CFAP299: variants seen among roughly 807,000 people sequenced by gnomAD.
CFAP299 encodes cilia- and flagella-associated protein 299.
Under a neutral mutation model 27.0 loss-of-function variants are expected in CFAP299, and 21 were observed. That is an observed-to-expected ratio of 0.78 (90% confidence interval 0.55 to 1.12). The LOEUF is 1.12. Ranked by LOEUF, CFAP299 falls within the 50% of genes most tolerant of loss-of-function variation. The pLI, the probability that CFAP299 is intolerant of heterozygous loss-of-function variation, is 0.00. For missense variants in CFAP299, 310 were observed against 276.6 expected (o/e 1.12, Z -0.86); for synonymous variants, 104 against 98.1 (o/e 1.06, Z -0.36).
At chr4:80,869,792 G>T (rs185456974) in intron 3 of CFAP299, among the ~76,000 whole-genome samples, 1 of 152,248 alleles carries the variant, frequency 6.6e-6, no homozygotes, top group Admixed American at 6.5e-5. Flanking sequence ...GATTACAGGC[G>T]TGAGCCACGT....
chr4:80,671,564 G>C (rs965786661), intron 3 of CFAP299, among the ~76,000 whole-genome samples: 2 of 152,104 alleles, frequency 1.3e-5, no homozygotes, highest in Non-Finnish European at 2.9e-5. Flanking sequence ...GGATGGCATT[G>C]AATCTATAAA....
chr4:80,916,481 A>T (rs1735774969), intron 4 of CFAP299, among the ~76,000 whole-genome samples: 1 of 151,640 alleles, frequency 6.6e-6, no homozygotes, highest in Non-Finnish European at 1.5e-5. Context: ...CGCTTGTTTT[A>T]AAGCTATGTT....
At chr4:80,824,443 T>G (rs1378312374) in intron 3 of CFAP299, among the ~76,000 whole-genome samples, 1 of 152,088 alleles carries the variant, frequency 6.6e-6, no homozygotes, top group Non-Finnish European at 1.5e-5. Context: ...GACACATAGG[T>G]AGGCAGCTAT....
chr4:80,849,408 G>A (rs918160800), intron 3 of CFAP299, among the ~76,000 whole-genome samples: 2 of 152,054 alleles, frequency 1.3e-5, no homozygotes, highest in Non-Finnish European at 2.9e-5. Context: ...GGAAGCAGAG[G>A]AAATTCCCAA....
chr4:80,413,234 G>A (rs1206272400), intron 2 of CFAP299, among the ~76,000 whole-genome samples: 1 of 152,058 alleles, frequency 6.6e-6, no homozygotes, highest in Non-Finnish European at 1.5e-5. Flanking sequence ...GCCAGACGTT[G>A]CTGTCATTCC....
chr4:80,816,669 G>A (rs1729436262), intron 3 of CFAP299, among the ~76,000 whole-genome samples: 1 of 152,074 alleles, frequency 6.6e-6, no homozygotes, highest in Admixed American at 6.6e-5. Flanking sequence ...TTCAAGAAGA[G>A]GTTCAGACTC....
intron 2 of CFAP299, among the ~76,000 whole-genome samples, chr4:80,483,480 G>T (rs1730665332): frequency 6.6e-6 from 1 of 151,922 alleles, no homozygotes; most frequent in Non-Finnish European, 1.5e-5. Flanking sequence ...AAATCATCTT[G>T]ATATCATTCT....
At chr4:80,854,994 A>G (rs1731760743) in intron 3 of CFAP299, among the ~76,000 whole-genome samples, 1 of 152,030 alleles carries the variant, frequency 6.6e-6, no homozygotes, top group South Asian at 2.1e-4. Flanking sequence ...AATAAAGAAG[A>G]CAAGCATACT....
In CFAP299 at chr4:80,362,856, G is replaced by A. The variant is rs1210350759; in HGVS notation, c.214G>A (p.Ala72Thr). 3.1e-6 allele frequency: 5 copies of A among 1,611,428 alleles called. No homozygotes were observed. Among genetic ancestry groups the A allele is most frequent in the Non-Finnish European group, 4.2e-6 (5 of 1,179,312 alleles). Residue 72 changes from alanine to threonine, a missense_variant, in exon 2 of 6, where the codon GCA becomes ACA. Coordinates refer to ENST00000358105, the MANE Select transcript of CFAP299 (RefSeq NM_152770.3). ...AGCAAGGAAAGCGGCTATAGAGATT[G>A]CAAGACTGGCTGAAAGAGCTCAGCA... Reference protein sequence around the residue: ...FEARKAAIEIARLAERAQQKT... With the variant: ...FEARKAAIEITRLAERAQQKT...
At chr4:80,592,484 G>GTGTT (rs1429508965) in intron 3 of CFAP299, among the ~76,000 whole-genome samples, 2 of 152,144 alleles carry the variant, frequency 1.3e-5, no homozygotes, top group Non-Finnish European at 2.9e-5. Context: ...AATTTGCTAT[G>GTGTT]TGAAACATAT....
intron 2 of CFAP299, among the ~76,000 whole-genome samples, chr4:80,512,387 T>A (rs540194898): frequency 1.8e-4 from 28 of 152,090 alleles, no homozygotes; most frequent in Non-Finnish European, 3.8e-4. Context: ...AAAGAAAAAT[T>A]GCACCTAACT....
chr4:80,800,083 TA>T (rs1261455623), intron 3 of CFAP299, among the ~76,000 whole-genome samples: 1 of 68,232 alleles, frequency 1.5e-5, no homozygotes, highest in East Asian at 5.0e-4. Context: ...AAATAAAATA[TA>T]AATATATATA....
At chr4:80,619,887 G>C (rs1738485305) in intron 3 of CFAP299, among the ~76,000 whole-genome samples, 1 of 151,974 alleles carries the variant, frequency 6.6e-6, no homozygotes, top group African/African-American at 2.4e-5. Context: ...GATTTTGACT[G>C]TTTATTTTCC....
intron 3 of CFAP299, among the ~76,000 whole-genome samples, chr4:80,604,139 A>G (rs1309606857): frequency 6.6e-6 from 1 of 152,158 alleles, no homozygotes; most frequent in Non-Finnish European, 1.5e-5. Context: ...GGAGGACCCA[A>G]ATCAAAAGAA....
chr4:80,808,411 A>T (rs894438013), intron 3 of CFAP299, among the ~76,000 whole-genome samples: 1 of 152,130 alleles, frequency 6.6e-6, no homozygotes, highest in African/African-American at 2.4e-5. Context: ...TGTGATGTTG[A>T]TCTGTATATT....
chr4:80,870,479 T>A (rs765176997), intron 4 of CFAP299: 1 of 998,804 alleles, frequency 1.0e-6, no homozygotes, highest in Non-Finnish European at 1.2e-6. Flanking sequence ...ATCTAACATG[T>A]TTTCCTCCAC....
chr4:80,347,333 G>A (rs1388066542), intron 1 of CFAP299, among the ~76,000 whole-genome samples: 1 of 152,054 alleles, frequency 6.6e-6, no homozygotes, highest in African/African-American at 2.4e-5. Context: ...GGTGAGAGAA[G>A]GCATCCGTGT....
Position 80,887,755 on chromosome 4 carries a change from G to A in CFAP299, c.476+17620G>A, listed in dbSNP as rs60790678. On this transcript the variant is annotated intron_variant, in intron 4 of 5. Coordinates refer to ENST00000358105, the MANE Select transcript of CFAP299 (RefSeq NM_152770.3). ...ACTAAATTATGAACTAATTAACCAT[G>A]AAAACTACAACAACTTTTCAAGACA... 8.0e-3 allele frequency among the ~76,000 whole-genome samples: 1,221 copies of A among 152,150 alleles called. 5 individuals are homozygous for A. The highest frequency in any genetic ancestry group is 0.017 in the Middle Eastern group (5 of 294).
intron 3 of CFAP299, among the ~76,000 whole-genome samples, chr4:80,698,432 A>G (rs1388571309): frequency 1.3e-5 from 2 of 152,346 alleles, no homozygotes; most frequent in East Asian, 1.9e-4. Flanking sequence ...AGAATACTCT[A>G]TTTGAACTTA....
Sources: gnomAD v4.1 joint callset for allele counts (sites outside exome capture counted in the v4.1 genomes callset) on GRCh38, gnomAD v4.1.1 for gene constraint, MANE v1.5 for transcripts, NCBI Gene and HGNC (gene_info 2026-07-23, HGNC 2026-07-21) for gene names.